Variants in PCDHA5 observed in about 807,000 individuals in gnomAD.
PCDHA5 encodes the protein protocadherin alpha 5, also known as protocadherin alpha-5.
Under a neutral mutation model 61.6 loss-of-function variants are expected in PCDHA5, and 43 were observed. The observed-to-expected ratio is 0.70, with a 90% CI of 0.55 to 0.90. The LOEUF is 0.90. Ranked by LOEUF, PCDHA5 falls within the 40% of genes least tolerant of loss-of-function variation. The pLI is 0.00. For missense variants in PCDHA5, 1,298 were observed against 1,222.7 expected (o/e 1.06, Z -0.92); for synonymous variants, 627 against 543.9 (o/e 1.15, Z -2.13).
chr5:140,915,328 A>G (rs1554196854), intron 1 of PCDHA5, among the ~76,000 whole-genome samples: 1 of 152,100 alleles, frequency 6.6e-6, no homozygotes. Context: ...CAGTGTTATA[A>G]TATTCTGTGT....
At chr5:140,866,764 G>A (rs2049554706) in intron 1 of PCDHA5, 1 of 152,110 alleles carries the variant, frequency 6.6e-6, no homozygotes, top group Non-Finnish European at 1.5e-5. Flanking sequence ...GGACATACAG[G>A]CAGATTGTAT....
rs1554128745 is a variant in PCDHA5, at chr5:140,822,606, G to A, written c.831G>A (p.Val277=). ...DADEGINKEI[V]YFFSNLVLDD... Reference sequence around the variant, plus strand: ...ATGAGGGCATCAATAAGGAAATAGTGTATTTCTTTAGTAATCTTGTTCTTG... The same window carrying A: ...ATGAGGGCATCAATAAGGAAATAGTATATTTCTTTAGTAATCTTGTTCTTG... The change falls in exon 1 of 4, where the codon GTG becomes GTA. Residue 277 remains valine, a synonymous_variant. Transcript: ENST00000529859. 1.2e-6 allele frequency: 2 copies of A among 1,608,162 alleles called. No individual in the cohort carries two copies. Among genetic ancestry groups the A allele is most frequent in the Non-Finnish European group, 8.5e-7 (1 of 1,174,954 alleles).
intron 1 of PCDHA5, chr5:140,877,774 G>T (rs782686661): frequency 1.2e-6 from 2 of 1,614,176 alleles, no homozygotes; most frequent in South Asian, 2.2e-5. Context: ...GCCCAAGACG[G>T]ACCTCATGGC....
intron 1 of PCDHA5, among the ~76,000 whole-genome samples, chr5:140,969,673 G>A (rs1226601717): frequency 3.3e-5 from 5 of 152,170 alleles, no homozygotes; most frequent in African/African-American, 9.7e-5. Flanking sequence ...AATGTTATGA[G>A]ACTCAAGGAG....
intron 1 of PCDHA5, chr5:140,883,711 C>G: frequency 6.2e-7 from 1 of 1,613,576 alleles, no homozygotes; most frequent in Admixed American, 1.7e-5. Flanking sequence ...CTGCTCAGGA[C>G]GCGGACGCAC....
chr5:140,979,329 C>T (rs782808442), intron 2 of PCDHA5, among the ~76,000 whole-genome samples: 3 of 152,162 alleles, frequency 2.0e-5, no homozygotes, highest in Non-Finnish European at 2.9e-5. Flanking sequence ...TTCTTTTCCT[C>T]CTTTAAAAAC....
chr5:140,847,280 A>T (rs2150398686), intron 1 of PCDHA5, among the ~76,000 whole-genome samples: 1 of 149,896 alleles, frequency 6.7e-6, no homozygotes, highest in Non-Finnish European at 1.5e-5. Context: ...TTGAACGGGA[A>T]GACAAACTCA....
At chr5:140,918,428 T>C (rs2078691655) in intron 1 of PCDHA5, among the ~76,000 whole-genome samples, 1 of 152,194 alleles carries the variant, frequency 6.6e-6, no homozygotes, top group African/African-American at 2.4e-5. Context: ...AGTAGGATGT[T>C]GAATAGGAGT....
intron 1 of PCDHA5, among the ~76,000 whole-genome samples, chr5:140,898,613 T>A (rs561301118): frequency 6.6e-6 from 1 of 152,346 alleles, no homozygotes; most frequent in South Asian, 2.1e-4. Flanking sequence ...TAGTTTGAAG[T>A]CAGGTAGCAT....
At chr5:140,869,126 G>C in intron 1 of PCDHA5, 1 of 1,611,852 alleles carries the variant, frequency 6.2e-7, no homozygotes, top group African/African-American at 1.3e-5. Context: ...CAGAGAAGGG[G>C]ATTGGGCACC....
At chr5:140,975,200 C>T (rs1469690831) in intron 1 of PCDHA5, among the ~76,000 whole-genome samples, 1 of 152,224 alleles carries the variant, frequency 6.6e-6, no homozygotes, top group Non-Finnish European at 1.5e-5. Context: ...GCTCCATCTT[C>T]ATGGCTGGCA....
At chr5:140,954,340 G>A (rs2095020682) in intron 1 of PCDHA5, among the ~76,000 whole-genome samples, 1 of 152,176 alleles carries the variant, frequency 6.6e-6, no homozygotes, top group Non-Finnish European at 1.5e-5. Flanking sequence ...TCTGCCTCTA[G>A]ATCTTTGAGG....
chr5:140,929,499 C>G, intron 1 of PCDHA5: 1 of 980,264 alleles, frequency 1.0e-6, no homozygotes, highest in South Asian at 3.1e-5. Flanking sequence ...GAAGATTGCC[C>G]TAGGCCTCAA....
At position 140,927,327 on chromosome 5, in the gene PCDHA5, C is replaced by T. The variant is rs781793681; in HGVS notation, c.2353-51622C>T. On this transcript the variant is annotated intron_variant, in intron 1 of 3. Coordinates refer to ENST00000529859, the MANE Select transcript of PCDHA5 (RefSeq NM_018908.3). ...TGACGCCCGGAGCCCGCTTTACTCT[C>T]CCGAATGCCCAAGATGACGACGAGG... 8.5e-5 allele frequency: 137 copies of T among 1,614,206 alleles called. No individual in the cohort carries two copies. In the Middle Eastern group the frequency reaches 3.6e-3, roughly 43 times the overall value.
At chr5:140,914,761 G>A (rs2076826214) in intron 1 of PCDHA5, among the ~76,000 whole-genome samples, 1 of 151,734 alleles carries the variant, frequency 6.6e-6, no homozygotes, top group Non-Finnish European at 1.5e-5. Context: ...GAGGTTACAT[G>A]AGGTTTATGA....
At chr5:140,992,236 G>A (rs1431521103) in intron 3 of PCDHA5, among the ~76,000 whole-genome samples, 1 of 152,168 alleles carries the variant, frequency 6.6e-6, no homozygotes, top group African/African-American at 2.4e-5. Context: ...GAAGAGTAAG[G>A]AAGGAAGTAG....
At position 140,836,017 on chromosome 5, in the gene PCDHA5, T is replaced by C. The variant is rs1201962731; in HGVS notation, c.2352+11890T>C. Reference sequence around the variant, plus strand: ...GCGCGCGATGCGGGCGTGCCGCCTCTGGGCAGCAACGTGACGCTGCAGGTG... The same window carrying C: ...GCGCGCGATGCGGGCGTGCCGCCTCCGGGCAGCAACGTGACGCTGCAGGTG... On this transcript the variant is annotated intron_variant, in intron 1 of 3. Transcript: ENST00000529859. The C allele has an allele frequency of 5.6e-6, 9 of 1,613,360 alleles. No individual in the cohort carries two copies. In the African/African-American group the frequency reaches 1.1e-4, roughly 19 times the overall value.
intron 1 of PCDHA5, chr5:140,836,007 G>C: frequency 1.9e-6 from 3 of 1,613,296 alleles, no homozygotes; most frequent in Non-Finnish European, 2.5e-6. Context: ...CGATGCGGGC[G>C]TGCCGCCTCT....
chr5:140,926,424 G>A (rs894649962), intron 1 of PCDHA5: 2 of 153,468 alleles, frequency 1.3e-5, no homozygotes, highest in African/African-American at 4.8e-5. Context: ...AGAGGATGTG[G>A]AGGTTAAGAT....
Sources: allele counts gnomAD v4.1 joint callset (sites outside exome capture counted in the v4.1 genomes callset), GRCh38; gene constraint gnomAD v4.1.1; transcripts MANE v1.5; gene names NCBI Gene and HGNC (gene_info 2026-07-23, HGNC 2026-07-21).